The following TRHDE variants were observed in gnomAD, a reference collection of about 807,000 sequenced individuals.
TRHDE encodes thyrotropin-releasing hormone-degrading ectoenzyme.
In TRHDE, 72 loss-of-function variants were observed where a neutral mutation model predicts 125.7. That is an observed-to-expected ratio of 0.57 (90% confidence interval 0.47 to 0.70). The LOEUF (loss-of-function observed/expected upper bound fraction) is 0.70, where lower values mean the gene tolerates loss of function less well. Ranked by LOEUF, TRHDE falls within the 30% of genes least tolerant of loss-of-function variation. The pLI is 0.00. For missense variants in TRHDE, 1,110 were observed against 1,327.1 expected (o/e 0.84, Z 2.54); for synonymous variants, 509 against 509.1 (o/e 1.00, Z 0.00).
intron 2 of TRHDE, among the ~76,000 whole-genome samples, chr12:72,229,929 T>C (rs1306143778): frequency 6.6e-6 from 1 of 152,182 alleles, no homozygotes; most frequent in Non-Finnish European, 1.5e-5. Flanking sequence ...ACTTCTCAAA[T>C]GTGATAACAG....
intron 2 of TRHDE, among the ~76,000 whole-genome samples, chr12:72,198,932 GGA>G (rs111453106): frequency 0.034 from 4,990 of 146,822 alleles, 146 homozygotes; most frequent in African/African-American, 0.075. Flanking sequence ...TGGTGAAGCA[GGA>G]GAGAGAGAGA....
intron 2 of TRHDE, among the ~76,000 whole-genome samples, chr12:72,181,942 T>A (rs1877103925): frequency 6.6e-6 from 1 of 152,196 alleles, no homozygotes. Flanking sequence ...ATGACATGAT[T>A]TTCAGAAACA....
At chr12:72,579,807 G>A (rs1871153090) in intron 12 of TRHDE, among the ~76,000 whole-genome samples, 1 of 152,002 alleles carries the variant, frequency 6.6e-6, no homozygotes, top group Non-Finnish European at 1.5e-5. Context: ...ACTTTAATAA[G>A]TGCCAATTAT....
At chr12:72,561,506 C>T (rs186939875) in intron 7 of TRHDE, among the ~76,000 whole-genome samples, 270 of 152,146 alleles carry the variant, frequency 1.8e-3, no homozygotes, top group African/African-American at 6.0e-3. Context: ...AAGTGTGAAT[C>T]GGATAGAAAG....
At chr12:72,248,469 A>G (rs913108472) in intron 2 of TRHDE, among the ~76,000 whole-genome samples, 17 of 145,128 alleles carry the variant, frequency 1.2e-4, no homozygotes, top group African/African-American at 3.5e-4. Context: ...GTGTTTTCAC[A>G]TACATTTTAA....
intron 5 of TRHDE, among the ~76,000 whole-genome samples, chr12:72,496,069 T>C (rs1565765598): frequency 1.3e-5 from 2 of 152,198 alleles, no homozygotes; most frequent in South Asian, 2.1e-4. Flanking sequence ...TGCTGCTTTT[T>C]CAAAGTGTTA....
Position 72,373,844 on chromosome 12 carries a change from C to T in TRHDE, c.1189-4151C>T, listed in dbSNP as rs147327583. ...GGAGCAAAGGACTAGGATATGAATC[C>T]AGAGAGCTAAAAGGGATTAGATTAG... On this transcript the variant is annotated intron_variant, in intron 2 of 18. Transcript: ENST00000261180. Among the ~76,000 whole-genome samples, 5 of 152,190 alleles carry T rather than the reference C, an allele frequency of 3.3e-5. No homozygotes were observed. In the East Asian group the frequency reaches 9.7e-4, roughly 29 times the overall value.
At chr12:72,540,913 T>G (rs770325915) in intron 6 of TRHDE, among the ~76,000 whole-genome samples, 29 of 151,684 alleles carry the variant, frequency 1.9e-4, no homozygotes, top group Non-Finnish European at 3.8e-4. Context: ...AATACTGACT[T>G]GGGAGCAATT....
chr12:72,370,812 G>T (rs1273589925), intron 2 of TRHDE, among the ~76,000 whole-genome samples: 1 of 151,154 alleles, frequency 6.6e-6, no homozygotes, highest in East Asian at 1.9e-4. Flanking sequence ...GCGTGATCTT[G>T]GCTCACTGCA....
chr12:72,251,454 C>A, intron 2 of TRHDE, among the ~76,000 whole-genome samples: 1 of 148,046 alleles, frequency 6.8e-6, no homozygotes, highest in East Asian at 2.0e-4. Flanking sequence ...AGCACAATTA[C>A]CTGGAGATGC....
intron 6 of TRHDE, among the ~76,000 whole-genome samples, chr12:72,522,353 G>A (rs1311042754): frequency 6.6e-6 from 1 of 152,114 alleles, no homozygotes; most frequent in Non-Finnish European, 1.5e-5. Flanking sequence ...TTAAATTAAA[G>A]TTTTTAGAAA....
chr12:72,503,345 T>C (rs1184915222), intron 6 of TRHDE, among the ~76,000 whole-genome samples: 1 of 152,216 alleles, frequency 6.6e-6, no homozygotes, highest in African/African-American at 2.4e-5. Flanking sequence ...GTATTCTTAA[T>C]TATTTTCATG....
rs111440515 is a variant in TRHDE, at chr12:72,665,202, T to C, written c.*2007T>C. On this transcript the variant is annotated 3_prime_UTR_variant, in exon 19 of 19. Coordinates refer to ENST00000261180, the MANE Select transcript of TRHDE (RefSeq NM_013381.3). ...AAAAATTAGAGGTGGATGTCTTGTT[T>C]TGTGTCATGAATTACTAAAATCTCT... 2.4e-3 allele frequency: 361 copies of C among 152,330 alleles called. 3 individuals are homozygous for C. Among genetic ancestry groups the C allele is most frequent in the African/African-American group, 8.2e-3 (340 of 41,562 alleles). 9.4% of individuals were successfully genotyped at this position (152,330 alleles called of 1,614,324 possible). A position where few individuals can be genotyped will look rare whatever the true frequency, so the allele number is the denominator to read the frequency against.
At chr12:72,238,299 T>C (rs185844501) in intron 2 of TRHDE, among the ~76,000 whole-genome samples, 4,933 of 33,268 alleles carry the variant, frequency 0.15, 247 homozygotes, top group Non-Finnish European at 0.22. Flanking sequence ...TATATATATA[T>C]ATATATATAT....
At chr12:72,110,249 G>C (rs573505936) in intron 2 of TRHDE, among the ~76,000 whole-genome samples, 27 of 152,130 alleles carry the variant, frequency 1.8e-4, no homozygotes, top group African/African-American at 6.5e-4. Context: ...TACTCCAAGC[G>C]AGGTCATGTA....
At chr12:72,608,830 T>G (rs1347994721) in intron 12 of TRHDE, among the ~76,000 whole-genome samples, 1 of 152,170 alleles carries the variant, frequency 6.6e-6, no homozygotes, top group African/African-American at 2.4e-5. Flanking sequence ...TCCCCAGTTC[T>G]TTTTAGAATG....
intron 1 of TRHDE, among the ~76,000 whole-genome samples, chr12:72,282,181 C>T (rs1327672477): frequency 6.6e-6 from 1 of 152,104 alleles, no homozygotes; most frequent in Non-Finnish European, 1.5e-5. Flanking sequence ...CAACAAAATA[C>T]TTGTCCCCAT....
chr12:72,506,600 T>C (rs909277038), intron 6 of TRHDE, among the ~76,000 whole-genome samples: 1 of 152,158 alleles, frequency 6.6e-6, no homozygotes, highest in Non-Finnish European at 1.5e-5. Flanking sequence ...ATTTAGCAAA[T>C]AAACATTTCA....
At chr12:72,426,111 C>T (rs1241317111) in intron 3 of TRHDE, among the ~76,000 whole-genome samples, 2 of 152,014 alleles carry the variant, frequency 1.3e-5, no homozygotes, top group Admixed American at 6.6e-5. Flanking sequence ...GTATGTATAA[C>T]CTCTCAATAA....
Sources: gnomAD v4.1 joint callset for allele counts (sites outside exome capture counted in the v4.1 genomes callset) on GRCh38, gnomAD v4.1.1 for gene constraint, MANE v1.5 for transcripts, NCBI Gene and HGNC (gene_info 2026-07-23, HGNC 2026-07-21) for gene names.